Variants in THTPA observed in about 807,000 individuals in gnomAD.
The protein encoded by THTPA is thiamine-triphosphatase.
In THTPA, 16 loss-of-function variants were observed where a neutral mutation model predicts 16.5. That is an observed-to-expected ratio of 0.97 (90% CI 0.66 to 1.47). The LOEUF is 1.47. THTPA is among the 40% of genes most tolerant of loss of function. THTPA has a pLI of 0.00. For synonymous variants in THTPA, 110 were observed against 115.5 expected, an observed-to-expected ratio of 0.95 and a Z score of 0.30; for missense variants, 281 against 280.9, an observed-to-expected ratio of 1.00 and a Z score of 0.00.
chr14:23,532,623 TCTC>T, the THTPA span: 2 of 1,462,542 alleles, frequency 1.4e-6, no homozygotes, highest in Non-Finnish European at 1.8e-6. Flanking sequence ...AGCTGCATCT[TCTC>T]CTTGCTGTTG....
rs545157014 is a variant in THTPA, at chr14:23,559,160, C to A, written c.*320C>A. Reference sequence around the variant, plus strand: ...CACAGGAAAATCCCTTGCCACCCCCCCTCCCTTGGTCGATGCCATTGATTC... The same window carrying A: ...CACAGGAAAATCCCTTGCCACCCCCACTCCCTTGGTCGATGCCATTGATTC... On this transcript the variant is annotated 3_prime_UTR_variant, in exon 2 of 2. Transcript: ENST00000288014. 23 of 291,540 alleles carry A rather than the reference C, an allele frequency of 7.9e-5. No homozygotes were observed. Among genetic ancestry groups the A allele is most frequent in the Middle Eastern group, 1.1e-3 (1 of 922 alleles). 18.1% of individuals were successfully genotyped at this position (291,540 alleles called of 1,614,324 possible).
At chr14:23,519,533 C>T in the THTPA span, among the ~76,000 whole-genome samples, 1 of 152,048 alleles carries the variant, frequency 6.6e-6, no homozygotes, top group Non-Finnish European at 1.5e-5. Context: ...CAGTTTCTCT[C>T]CTGTTGCCTA....
the THTPA span, chr14:23,532,744 C>A: frequency 4.6e-6 from 7 of 1,536,116 alleles, no homozygotes; most frequent in South Asian, 1.2e-5. Context: ...CTCCACCCCC[C>A]TCCCGCAGGT....
At chr14:23,525,002 C>A in the THTPA span, 1 of 1,536,032 alleles carries the variant, frequency 6.5e-7, no homozygotes, top group African/African-American at 1.4e-5. This position sits in a 1 kb window ranked among gnomAD's most constrained non-coding sequence, Gnocchi z 5.9. Flanking sequence ...TGCTTTCTGG[C>A]GGGCATTCTG....
the THTPA span, among the ~76,000 whole-genome samples, chr14:23,545,295 G>A: frequency 1.3e-5 from 2 of 152,342 alleles, no homozygotes; most frequent in East Asian, 1.9e-4. Context: ...CGCAGGCCGA[G>A]ACCATGGCCT....
chr14:23,521,717 G>T, the THTPA span: 2 of 598,766 alleles, frequency 3.3e-6, no homozygotes, highest in Non-Finnish European at 5.5e-6. Flanking sequence ...GTGAAGATGG[G>T]CAAGGGCTAC....
At chr14:23,519,335 G>T in the THTPA span, among the ~76,000 whole-genome samples, 2 of 151,944 alleles carry the variant, frequency 1.3e-5, no homozygotes, top group East Asian at 3.9e-4. Flanking sequence ...ATTGTTTTTG[G>T]TTTCTAACTT....
the THTPA span, chr14:23,524,321 C>A: frequency 6.5e-7 from 1 of 1,536,336 alleles, no homozygotes; most frequent in Non-Finnish European, 8.7e-7. This position sits in a 1 kb window ranked among gnomAD's most constrained non-coding sequence, Gnocchi z 5.6. Context: ...CATGTACCAA[C>A]GGTACAGGAT....
the THTPA span, chr14:23,527,651 G>C: frequency 7.7e-5 from 118 of 1,536,362 alleles, no homozygotes; most frequent in Non-Finnish European, 9.3e-5. Flanking sequence ...TTGTGAAGGT[G>C]GCTAAGGTGG....
At chr14:23,547,764 C>T in the THTPA span, among the ~76,000 whole-genome samples, 1 of 152,162 alleles carries the variant, frequency 6.6e-6, no homozygotes, top group Non-Finnish European at 1.5e-5. Context: ...AACTCTTTCC[C>T]CCAGCCTCTC....
At chr14:23,538,470 G>A in the THTPA span, among the ~76,000 whole-genome samples, 2 of 150,778 alleles carry the variant, frequency 1.3e-5, no homozygotes, top group Admixed American at 1.3e-4. Flanking sequence ...TCTCAGAATC[G>A]CTAGGTCCCT....
chr14:23,558,683 T>C lies in THTPA; in HGVS notation c.548-12T>C. The C allele has an allele frequency of 6.2e-7, 1 of 1,614,070 alleles. No homozygotes were observed. Among genetic ancestry groups the C allele is most frequent in the Non-Finnish European group, 8.5e-7 (1 of 1,179,956 alleles). On this transcript the variant is annotated splice_polypyrimidine_tract_variant and intron_variant, in intron 1 of 1. Coordinates refer to ENST00000288014, the MANE Select transcript of THTPA (RefSeq NM_024328.6). Reference sequence around the variant, plus strand: ...CTGTCCATTTCTCTCCTCATTGTCCTTTTACCTGTAGGTGTGCCTGCACAG... The same window carrying C: ...CTGTCCATTTCTCTCCTCATTGTCCCTTTACCTGTAGGTGTGCCTGCACAG...
At chr14:23,534,632 G>A in the THTPA span, 3 of 1,536,186 alleles carry the variant, frequency 2.0e-6, no homozygotes, top group Non-Finnish European at 2.6e-6. The surrounding 1 kb of genome is among the most constrained non-coding windows in gnomAD (Gnocchi z 4.5). Flanking sequence ...ACCGCCACGT[G>A]GTTGCCCCCG....
At chr14:23,545,733 C>T in the THTPA span, among the ~76,000 whole-genome samples, 2,068 of 152,234 alleles carry the variant, frequency 0.014, 18 homozygotes, top group Non-Finnish European at 0.022. Flanking sequence ...ACAGAGATGG[C>T]TGGGGGGAAA....
chr14:23,535,478 G>C, the THTPA span: 1 of 919,552 alleles, frequency 1.1e-6, no homozygotes, highest in African/African-American at 1.7e-5. This position sits in a 1 kb window ranked among gnomAD's most constrained non-coding sequence, Gnocchi z 4.5. Context: ...CTGAACACCA[G>C]ACTCAGACAC....
the THTPA span, among the ~76,000 whole-genome samples, chr14:23,540,884 T>C: frequency 1.3e-5 from 2 of 152,142 alleles, no homozygotes; most frequent in Non-Finnish European, 2.9e-5. Flanking sequence ...ACAGCTTTCC[T>C]TCTGTTCACC....
At chr14:23,531,783 T>A in the THTPA span, 5 of 1,131,946 alleles carry the variant, frequency 4.4e-6, no homozygotes, top group East Asian at 1.7e-4. Flanking sequence ...TCAGGGGACT[T>A]TTTTTTTTTT....
chr14:23,546,100 A>G, the THTPA span, among the ~76,000 whole-genome samples: 1 of 152,156 alleles, frequency 6.6e-6, no homozygotes, highest in African/African-American at 2.4e-5. The surrounding 1 kb of genome is among the most constrained non-coding windows in gnomAD (Gnocchi z 4.7). Flanking sequence ...GCCTACACCC[A>G]TTCTGCCCCA....
At chr14:23,532,899 G>A in the THTPA span, 18 of 1,536,098 alleles carry the variant, frequency 1.2e-5, no homozygotes, top group South Asian at 3.6e-5. Context: ...GGGAGGCTCC[G>A]GCCTATGCTG....
Sources: gnomAD v4.1 joint callset for allele counts (sites outside exome capture counted in the v4.1 genomes callset) on GRCh38, gnomAD v4.1.1 for gene constraint, Gnocchi (gnomAD v3.1) non-coding constraint, MANE v1.5 for transcripts, NCBI Gene and HGNC (gene_info 2026-07-23, HGNC 2026-07-21) for gene names.